GK5: variants seen among roughly 807,000 people sequenced by gnomAD.
GK5 encodes glycerol kinase 5, also known as ATP:glycerol 3-phosphotransferase 5.
GK5 carries 39 observed loss-of-function variants against 77.3 expected under a neutral mutation model. The observed-to-expected ratio is 0.50, with a 90% CI of 0.39 to 0.66. The LOEUF (loss-of-function observed/expected upper bound fraction) is 0.66. Ranked by LOEUF, GK5 falls within the 30% of genes least tolerant of loss-of-function variation. The pLI is 0.00. For missense variants in GK5, 487 were observed against 633.8 expected, an observed-to-expected ratio of 0.77 and a Z score of 2.49; for synonymous variants, 211 against 208.0, an observed-to-expected ratio of 1.01 and a Z score of -0.13.
chr3:142,195,419 T>C (rs572121159), intron 5 of GK5, among the ~76,000 whole-genome samples: 11 of 152,246 alleles, frequency 7.2e-5, no homozygotes, highest in East Asian at 5.8e-4. Context: ...TCCTGGATCA[T>C]TGCTGTCTCA....
At chr3:142,168,692 G>C (rs570154714) in intron 15 of GK5, among the ~76,000 whole-genome samples, 1 of 151,936 alleles carries the variant, frequency 6.6e-6, no homozygotes, top group African/African-American at 2.4e-5. Context: ...TTGTCAAAGC[G>C]ATCTGTTCAA....
At chr3:142,200,557 A>G (rs1006053864) in intron 4 of GK5, among the ~76,000 whole-genome samples, 1 of 152,204 alleles carries the variant, frequency 6.6e-6, no homozygotes, top group African/African-American at 2.4e-5. Context: ...GACCACCCAT[A>G]AGCCTTCTTC....
At chr3:142,222,783 TAA>T (rs1456655398) in intron 1 of GK5, among the ~76,000 whole-genome samples, 1 of 152,088 alleles carries the variant, frequency 6.6e-6, no homozygotes, top group Non-Finnish European at 1.5e-5. Flanking sequence ...ATAATTTTTA[TAA>T]AGTTTCCAGA....
chr3:142,177,281 A>AG (rs1322788225), intron 12 of GK5, among the ~76,000 whole-genome samples: 3 of 152,236 alleles, frequency 2.0e-5, no homozygotes, highest in Non-Finnish European at 4.4e-5. Flanking sequence ...CCAAGCCAGC[A>AG]GGGCCACATT....
intron 5 of GK5, among the ~76,000 whole-genome samples, chr3:142,188,720 A>G (rs1280939045): frequency 1.3e-5 from 2 of 152,258 alleles, no homozygotes; most frequent in African/African-American, 4.8e-5. Context: ...AGTGTCCATA[A>G]GTAAAGTCTT....
chr3:142,190,564 A>G (rs559845685), intron 5 of GK5, among the ~76,000 whole-genome samples: 11 of 152,348 alleles, frequency 7.2e-5, no homozygotes, highest in Middle Eastern at 3.4e-3. Context: ...AAAGCCCTAC[A>G]AACCCCAAGT....
At chr3:142,194,227 A>T (rs2063897909) in intron 5 of GK5, among the ~76,000 whole-genome samples, 1 of 152,058 alleles carries the variant, frequency 6.6e-6, no homozygotes, top group South Asian at 2.1e-4. Flanking sequence ...TCTACAAAAA[A>T]TTTAAAAATT....
intron 15 of GK5, among the ~76,000 whole-genome samples, chr3:142,167,454 A>G (rs888166292): frequency 2.0e-5 from 3 of 152,230 alleles, no homozygotes; most frequent in African/African-American, 4.8e-5. Flanking sequence ...AGTTTTCATC[A>G]GTATACTATA....
chr3:142,215,547 A>G (rs2064262465), intron 2 of GK5, 52 bp downstream of exon 2: 2 of 947,950 alleles, frequency 2.1e-6, no homozygotes, highest in East Asian at 2.6e-5. Context: ...GAGGAAAACT[A>G]TTACAAAAAA....
At position 142,163,561 on chromosome 3, in the gene GK5, C is replaced by G. The variant is rs925840822; in HGVS notation, c.*2061G>C. On this transcript the variant is annotated 3_prime_UTR_variant, in exon 16 of 16. Transcript: ENST00000392993. Reference sequence around the variant, plus strand: ...CTGGGATTACAGGCATGAGCCACTGCACACAGCCCAAAGTATTTATCCTTT... The same window carrying G: ...CTGGGATTACAGGCATGAGCCACTGGACACAGCCCAAAGTATTTATCCTTT... 1 of 152,090 alleles carries G rather than the reference C, an allele frequency of 6.6e-6. No homozygotes were observed. The highest frequency in any genetic ancestry group is 1.5e-5 in the Non-Finnish European group (1 of 68,046). 9.4% of individuals were successfully genotyped at this position (152,090 alleles called of 1,614,324 possible).
intron 3 of GK5, among the ~76,000 whole-genome samples, chr3:142,212,094 T>G (rs2064195200): frequency 6.6e-6 from 1 of 152,196 alleles, no homozygotes; most frequent in Non-Finnish European, 1.5e-5. Flanking sequence ...CCTAATTATA[T>G]TTTTCAGATT....
At chr3:142,182,864 G>T in intron 10 of GK5, 59 bp downstream of exon 10, 1 of 1,232,904 alleles carries the variant, frequency 8.1e-7, no homozygotes, top group Non-Finnish European at 1.2e-6. Flanking sequence ...TATCACAGAA[G>T]TTAAATATGA....
intron 5 of GK5, among the ~76,000 whole-genome samples, chr3:142,196,042 CGAGTT>C (rs2063927641): frequency 1.3e-5 from 2 of 152,072 alleles, no homozygotes; most frequent in African/African-American, 2.4e-5. Flanking sequence ...TATTTCTCCT[CGAGTT>C]ATTTCCAGTA....
intron 11 of GK5, 132 bp from the exon 12 acceptor site, chr3:142,177,708 T>C: frequency 1.6e-6 from 1 of 638,784 alleles, no homozygotes; most frequent in Non-Finnish European, 2.8e-6. Flanking sequence ...AAAAGATTGC[T>C]CACTTAAAAG....
chr3:142,197,338 T>A (rs1477986464), intron 5 of GK5, among the ~76,000 whole-genome samples: 1 of 152,242 alleles, frequency 6.6e-6, no homozygotes, highest in Non-Finnish European at 1.5e-5. Flanking sequence ...ATATTTATGA[T>A]GAATTCACCA....
At chr3:142,207,969 A>C (rs2064135203) in intron 3 of GK5, among the ~76,000 whole-genome samples, 1 of 152,188 alleles carries the variant, frequency 6.6e-6, no homozygotes, top group South Asian at 2.1e-4. Flanking sequence ...TCATGAGTAC[A>C]AATCAGAGGA....
At chr3:142,168,706 C>T (rs969051193) in intron 15 of GK5, among the ~76,000 whole-genome samples, 1 of 151,916 alleles carries the variant, frequency 6.6e-6, no homozygotes, top group African/African-American at 2.4e-5. Context: ...TGTTCAAATG[C>T]AGATCTTTCT....
intron 5 of GK5, among the ~76,000 whole-genome samples, chr3:142,190,668 T>C (rs2063836289): frequency 6.6e-6 from 1 of 152,166 alleles, no homozygotes; most frequent in Non-Finnish European, 1.5e-5. Flanking sequence ...GTCAGCAAAC[T>C]TAGCAAAGAA....
intron 4 of GK5, 87 bp from the exon 5 acceptor site, chr3:142,199,020 C>A: frequency 1.1e-6 from 1 of 916,590 alleles, no homozygotes; most frequent in Non-Finnish European, 1.6e-6. Context: ...CAAACAAACC[C>A]AATAACAAGT....
Sources: gnomAD v4.1 joint callset for allele counts (sites outside exome capture counted in the v4.1 genomes callset) on GRCh38, gnomAD v4.1.1 for gene constraint, MANE v1.5 for transcripts, NCBI Gene and HGNC (gene_info 2026-07-23, HGNC 2026-07-21) for gene names.